The following PDCD1LG2 variants were observed in gnomAD, a reference collection of about 807,000 sequenced individuals.
The protein encoded by PDCD1LG2 is B7 dendritic cell molecule.
Under a neutral mutation model 28.2 loss-of-function variants are expected in PDCD1LG2, and 32 were observed. That is an observed-to-expected ratio of 1.13 (90% CI 0.86 to 1.52). The LOEUF (loss-of-function observed/expected upper bound fraction) is 1.52, where lower values mean the gene tolerates loss of function less well. PDCD1LG2 is among the 40% of genes most tolerant of loss of function. The pLI, the probability that PDCD1LG2 is intolerant of heterozygous loss-of-function variation, is 0.00. For synonymous variants in PDCD1LG2, 116 were observed against 120.2 expected (o/e 0.97, Z 0.23); for missense variants, 385 against 323.8 (o/e 1.19, Z -1.45).
intron 5 of PDCD1LG2, among the ~76,000 whole-genome samples, chr9:5,562,630 A>C (rs888193740): frequency 1.0e-5 from 1 of 98,154 alleles, no homozygotes; most frequent in Non-Finnish European, 2.0e-5. Flanking sequence ...TGTACCCCTA[A>C]ACCTATTGAT....
At chr9:5,511,672 T>G (rs920418618) in intron 1 of PDCD1LG2, among the ~76,000 whole-genome samples, 9 of 152,200 alleles carry the variant, frequency 5.9e-5, no homozygotes, top group African/African-American at 2.2e-4. Flanking sequence ...TCCTCCAAGC[T>G]CCTTTCCAAG....
At position 5,534,954 on chromosome 9, in the gene PDCD1LG2, A is replaced by G. The variant is rs751474819; in HGVS notation, c.265A>G (p.Ile89Val). ...GCCCCTAGGGAAGGCCTCGTTCCACATACCTCAAGTCCAAGTGAGGGACGA... is the reference window on the plus strand; with the variant it reads ...GCCCCTAGGGAAGGCCTCGTTCCACGTACCTCAAGTCCAAGTGAGGGACGA... ...QLPLGKASFH[I>V]PQVQVRDEGQ... is the part of the protein sequence containing the mutation. The change falls in exon 3 of 7, where the codon ATA (isoleucine) becomes GTA (valine). Residue 89 changes from isoleucine to valine, a missense_variant. By Grantham distance (29) the Ile-to-Val change is conservative. Coordinates refer to ENST00000397747, the MANE Select transcript of PDCD1LG2 (RefSeq NM_025239.4). 6 of 1,614,158 alleles carry G rather than the reference A, an allele frequency of 3.7e-6. 1 individual carries two copies. In the South Asian group the frequency reaches 6.6e-5, roughly 18 times the overall value.
chr9:5,516,689 C>A (rs1031693697), intron 1 of PDCD1LG2, among the ~76,000 whole-genome samples: 4 of 152,260 alleles, frequency 2.6e-5, no homozygotes, highest in African/African-American at 9.6e-5. Flanking sequence ...CAGCACCCAA[C>A]ATCTGGAAGA....
At chr9:5,515,693 G>C (rs1820143771) in intron 1 of PDCD1LG2, among the ~76,000 whole-genome samples, 1 of 152,040 alleles carries the variant, frequency 6.6e-6, no homozygotes, top group Non-Finnish European at 1.5e-5. Context: ...GGGAGGCCGA[G>C]GCGGGTGGAT....
intron 5 of PDCD1LG2, among the ~76,000 whole-genome samples, chr9:5,560,367 G>T (rs915641115): frequency 3.9e-5 from 6 of 152,324 alleles, no homozygotes; most frequent in African/African-American, 1.4e-4. Context: ...AGAGGGCCCT[G>T]GTTTTGAGCA....
intron 1 of PDCD1LG2, among the ~76,000 whole-genome samples, chr9:5,511,535 A>C (rs1225442799): frequency 6.6e-6 from 1 of 152,214 alleles, no homozygotes; most frequent in Non-Finnish European, 1.5e-5. Flanking sequence ...CTTTTAACCC[A>C]AAAATACTAT....
At chr9:5,561,171 T>G (rs1197883396) in intron 5 of PDCD1LG2, among the ~76,000 whole-genome samples, 1 of 152,218 alleles carries the variant, frequency 6.6e-6, no homozygotes, top group African/African-American at 2.4e-5. Context: ...TGGCTCTTTT[T>G]AAGTTAAATA....
At position 5,571,151 on chromosome 9, in the gene PDCD1LG2, G is replaced by C. The variant is rs1011305315; in HGVS notation, c.*1192G>C. 1 of 232,684 alleles carries C rather than the reference G, an allele frequency of 4.3e-6. No homozygotes were observed. The highest frequency in any genetic ancestry group is 8.5e-6 in the Non-Finnish European group (1 of 117,790). The allele number at this position is 232,684 out of a possible 1,614,324, so 14.4% of individuals were successfully genotyped here. A position where few individuals can be genotyped will look rare whatever the true frequency, so the allele number is the denominator to read the frequency against. On this transcript the variant is annotated 3_prime_UTR_variant, in exon 7 of 7. Transcript: ENST00000397747. ...AAATTTGGGGCTTATGAGAATGAAA[G>C]GGTGTGAAATTGACTAACAGACAAA...
At chr9:5,554,057 C>T (rs1408257596) in intron 4 of PDCD1LG2, among the ~76,000 whole-genome samples, 1 of 152,202 alleles carries the variant, frequency 6.6e-6, no homozygotes, top group East Asian at 1.9e-4. Context: ...ACAAGGGGGT[C>T]TTTCCCTCAT....
At chr9:5,535,877 G>A (rs991779758) in intron 3 of PDCD1LG2, among the ~76,000 whole-genome samples, 1 of 152,140 alleles carries the variant, frequency 6.6e-6, no homozygotes, top group African/African-American at 2.4e-5. Context: ...TTCTAGAAAA[G>A]GTGATTTGAG....
intron 3 of PDCD1LG2, among the ~76,000 whole-genome samples, chr9:5,535,984 C>A (rs2129802883): frequency 6.6e-6 from 1 of 152,288 alleles, no homozygotes; most frequent in African/African-American, 2.4e-5. Flanking sequence ...GCCAATATTT[C>A]TCTGGCCTCT....
At position 5,518,237 on chromosome 9, in the gene PDCD1LG2, C is replaced by T. The variant is rs78139333; in HGVS notation, c.-14-4296C>T. On this transcript the variant is annotated intron_variant, in intron 1 of 6. Coordinates refer to ENST00000397747, the MANE Select transcript of PDCD1LG2 (RefSeq NM_025239.4). Reference sequence around the variant, plus strand: ...TGATTTTAGAGCCTGAGCTCTTACTCATTGCATAAACCATATTTTCCCCAG... The same window carrying T: ...TGATTTTAGAGCCTGAGCTCTTACTTATTGCATAAACCATATTTTCCCCAG... 4.9e-3 allele frequency among the ~76,000 whole-genome samples: 754 copies of T among 152,348 alleles called. 4 individuals are homozygous for T. Among genetic ancestry groups the T allele is most frequent in the Non-Finnish European group, 8.3e-3 (564 of 68,028 alleles).
At chr9:5,542,035 T>C (rs1035466951) in intron 3 of PDCD1LG2, among the ~76,000 whole-genome samples, 1 of 152,120 alleles carries the variant, frequency 6.6e-6, no homozygotes, top group Non-Finnish European at 1.5e-5. Context: ...GCCAAATACT[T>C]ATAGCCAACT....
rs531475994 is a variant in PDCD1LG2 at position 5,562,984 on chromosome 9, G to C, written c.767-178G>C. Among the ~76,000 whole-genome samples, 3 of 152,334 alleles carry C rather than the reference G, an allele frequency of 2.0e-5. 1 individual carries two copies. Among genetic ancestry groups the C allele is most frequent in the Admixed American group, 2.0e-4 (3 of 15,300 alleles). ...TGAGACTTCTTTGTTCACACTCTTT[G>C]CCTAGGGGCCAGATTTTGCTTTATG... On this transcript the variant is annotated intron_variant, in intron 5 of 6. Transcript: ENST00000397747.
At chr9:5,515,696 G>A (rs1159390353) in intron 1 of PDCD1LG2, among the ~76,000 whole-genome samples, 2 of 151,950 alleles carry the variant, frequency 1.3e-5, no homozygotes, top group African/African-American at 4.8e-5. Context: ...AGGCCGAGGC[G>A]GGTGGATCAC....
At chr9:5,534,143 A>G (rs1820534272) in intron 2 of PDCD1LG2, among the ~76,000 whole-genome samples, 1 of 152,122 alleles carries the variant, frequency 6.6e-6, no homozygotes, top group Admixed American at 6.5e-5. Flanking sequence ...GCTTCTGGGA[A>G]GAAGCTCAGT....
chr9:5,538,148 G>A (rs1820617817), intron 3 of PDCD1LG2, among the ~76,000 whole-genome samples: 1 of 152,048 alleles, frequency 6.6e-6, no homozygotes, highest in Non-Finnish European at 1.5e-5. Flanking sequence ...TTTTTACTTA[G>A]AAGGAATTGA....
At chr9:5,548,737 A>T (rs1009245396) in intron 3 of PDCD1LG2, among the ~76,000 whole-genome samples, 18 of 152,224 alleles carry the variant, frequency 1.2e-4, no homozygotes, top group Admixed American at 6.5e-4. Context: ...TGCAGAATAA[A>T]TATACCCAAC....
At chr9:5,554,467 T>C (rs1816396820) in intron 4 of PDCD1LG2, among the ~76,000 whole-genome samples, 1 of 152,248 alleles carries the variant, frequency 6.6e-6, no homozygotes, top group Admixed American at 6.5e-5. Flanking sequence ...CTCATTCTCA[T>C]AAATTGAGCT....
Sources: allele counts gnomAD v4.1 joint callset (sites outside exome capture counted in the v4.1 genomes callset), GRCh38; gene constraint gnomAD v4.1.1; transcripts MANE v1.5; gene names NCBI Gene and HGNC (gene_info 2026-07-23, HGNC 2026-07-21).